TMEM248: variants seen among roughly 807,000 people sequenced by gnomAD.
TMEM248 encodes transmembrane protein 248.
Under a neutral mutation model 30.3 loss-of-function variants are expected in TMEM248, and 9 were observed. That is an observed-to-expected ratio of 0.30 (90% CI 0.18 to 0.52). The LOEUF (loss-of-function observed/expected upper bound fraction) is 0.52. Among genes scored for constraint, TMEM248 ranks in the 20% least tolerant of loss-of-function variants. The pLI, the probability that TMEM248 is intolerant of heterozygous loss-of-function variation, is 0.97. For synonymous variants in TMEM248, 184 were observed against 154.4 expected, an observed-to-expected ratio of 1.19 and a Z score of -1.42; for missense variants, 338 against 403.3, an observed-to-expected ratio of 0.84 and a Z score of 1.39.
At chr7:66,945,420 A>G (rs1332244818) in intron 3 of TMEM248, among the ~76,000 whole-genome samples, 159 bp downstream of exon 3, 2 of 152,190 alleles carry the variant, frequency 1.3e-5, no homozygotes, top group East Asian at 1.9e-4. Context: ...TTTCTGTTCC[A>G]TCGTTACATG....
rs1179024874 is a variant in TMEM248, at chr7:66,934,348, A to G, written c.-18-7500A>G. Among the ~76,000 whole-genome samples, 5 of 152,186 alleles carry G rather than the reference A, an allele frequency of 3.3e-5. No homozygotes were observed. In the East Asian group the frequency reaches 9.7e-4, roughly 29 times the overall value. ...CCTGAGTAGCTGGGATTACAGGCAC[A>G]CGCCGCCATGCCCAGCTAATTTTTG... On this transcript the variant is annotated intron_variant, in intron 1 of 6. Transcript: ENST00000341567.
chr7:66,939,685 A>T (rs1198037298), intron 1 of TMEM248, among the ~76,000 whole-genome samples: 1 of 152,230 alleles, frequency 6.6e-6, no homozygotes, highest in African/African-American at 2.4e-5. Flanking sequence ...TAAATGAGGG[A>T]TGACAGATAG....
intron 1 of TMEM248, among the ~76,000 whole-genome samples, chr7:66,941,337 C>T (rs1328961692): frequency 6.8e-6 from 1 of 146,242 alleles, no homozygotes; most frequent in African/African-American, 2.6e-5. Flanking sequence ...GCCAAGACTA[C>T]ACCATTGCTC....
chr7:66,950,988 C>T lies in TMEM248; in HGVS notation c.633C>T (p.Asn211=), dbSNP rs780742647. The T allele has an allele frequency of 2.7e-5, 44 of 1,608,304 alleles. No individual in the cohort carries two copies. The highest frequency in any genetic ancestry group is 3.3e-5 in the South Asian group (3 of 90,086). The change falls in exon 5 of 7, where the codon AAC becomes AAT. Residue 211 remains asparagine (N), a synonymous_variant. Transcript: ENST00000341567. ...PPHCVPDTYS[N]ATLWYKIFTT... ...ACTGTGTTCCTGACACGTACAGCAA[C>T]GCCACGCTCTGGTACAAGATCTTCA...
In TMEM248 at chr7:66,945,080, A is replaced by G. The variant is rs1016032765; in HGVS notation, c.264A>G (p.Thr88=). 3 of 1,614,224 alleles carry G rather than the reference A, an allele frequency of 1.9e-6. No homozygotes were observed. The highest frequency in any genetic ancestry group is 2.5e-6 in the Non-Finnish European group (3 of 1,180,038). The change falls in exon 3 of 7, where the codon ACA becomes ACG. Residue 88 remains threonine (T), a synonymous_variant. Transcript: ENST00000341567. ...LTNDTTTPES[T]MTSGQARAST... is the part of the protein sequence containing the mutation. The stretch of plus-strand genomic sequence containing the variant: ...ACGACACCACAACTCCGGAAAGTAC[A>G]ATGACCAGCGGGCAGGCCCGAGCTT...
At chr7:66,941,296 A>G (rs754942547) in intron 1 of TMEM248, among the ~76,000 whole-genome samples, 1 of 150,916 alleles carries the variant, frequency 6.6e-6, no homozygotes, top group Non-Finnish European at 1.5e-5. Context: ...TGGGAGAATC[A>G]CTTGAACCCA....
intron 4 of TMEM248, among the ~76,000 whole-genome samples, chr7:66,950,194 C>G (rs1792224297): frequency 6.9e-6 from 1 of 144,252 alleles, no homozygotes; most frequent in Non-Finnish European, 1.5e-5. Context: ...CCGGCCTGGG[C>G]AACAGAGCAA....
intron 1 of TMEM248, among the ~76,000 whole-genome samples, chr7:66,939,291 G>A (rs956158744): frequency 4.6e-5 from 7 of 152,280 alleles, no homozygotes; most frequent in African/African-American, 1.2e-4. Context: ...GTTGCAATGC[G>A]CTTGGTGGGT....
In TMEM248 at chr7:66,958,044, C is replaced by T. The variant is rs772232664; in HGVS notation, c.*2522C>T. On this transcript the variant is annotated 3_prime_UTR_variant, in exon 7 of 7. Coordinates refer to ENST00000341567, the MANE Select transcript of TMEM248 (RefSeq NM_017994.5). ...GGAAGCCCAGGGGACCTGTCACCATCTGGGCACTTCCCAGGCTCAATGCTC... is the reference window on the plus strand; with the variant it reads ...GGAAGCCCAGGGGACCTGTCACCATTTGGGCACTTCCCAGGCTCAATGCTC... 1 of 152,624 alleles carries T rather than the reference C, an allele frequency of 6.6e-6. No homozygotes were observed. The highest frequency in any genetic ancestry group is 1.5e-5 in the Non-Finnish European group (1 of 68,114). The allele number at this position is 152,624 out of a possible 1,614,324, so 9.5% of individuals were successfully genotyped here.
At chr7:66,925,737 A>G (rs12530806) in intron 1 of TMEM248, among the ~76,000 whole-genome samples, 39,036 of 145,990 alleles carry the variant, frequency 0.27, 5,644 homozygotes, top group East Asian at 0.43. Context: ...TGTTGCCTGG[A>G]TTCAAGCGAT....
At chr7:66,926,017 C>T (rs1221964556) in intron 1 of TMEM248, among the ~76,000 whole-genome samples, 2 of 152,106 alleles carry the variant, frequency 1.3e-5, no homozygotes, top group African/African-American at 4.8e-5. Flanking sequence ...CAGTGCATGA[C>T]GGCTCCCTTA....
intron 1 of TMEM248, among the ~76,000 whole-genome samples, chr7:66,938,766 A>C (rs1791869550): frequency 6.6e-6 from 1 of 152,202 alleles, no homozygotes; most frequent in Admixed American, 6.5e-5. Flanking sequence ...TTGGCATCCC[A>C]AAGTGCTGGG....
chr7:66,939,986 T>A (rs972444574), intron 1 of TMEM248, among the ~76,000 whole-genome samples: 6 of 152,218 alleles, frequency 3.9e-5, no homozygotes, highest in Admixed American at 3.9e-4. Context: ...GACAGTCTCA[T>A]TCTGTCCCTC....
At chr7:66,934,400 C>T (rs1791748170) in intron 1 of TMEM248, among the ~76,000 whole-genome samples, 1 of 152,136 alleles carries the variant, frequency 6.6e-6, no homozygotes, top group African/African-American at 2.4e-5. Flanking sequence ...GGGGTTTCAT[C>T]ATGTCAGTCA....
intron 4 of TMEM248, 76 bp downstream of exon 4, chr7:66,948,770 G>A (rs553080477): frequency 6.6e-5 from 100 of 1,509,732 alleles, no homozygotes; most frequent in Non-Finnish European, 8.9e-5. Flanking sequence ...TGCTTCAGCT[G>A]TAAATTCTCA....
chr7:66,950,105 A>C (rs934568495), intron 4 of TMEM248, among the ~76,000 whole-genome samples: 1 of 152,078 alleles, frequency 6.6e-6, no homozygotes, highest in Non-Finnish European at 1.5e-5. Context: ...TCACACCTGT[A>C]ATCCCAGCTA....
intron 2 of TMEM248, among the ~76,000 whole-genome samples, chr7:66,942,706 G>A (rs1411765956): frequency 6.6e-6 from 1 of 152,076 alleles, no homozygotes; most frequent in Non-Finnish European, 1.5e-5. Context: ...ACGTTGGCCA[G>A]GCTGGTCTCG....
chr7:66,953,029 G>A (rs985888297), intron 5 of TMEM248, among the ~76,000 whole-genome samples, 197 bp from the exon 6 acceptor site: 6 of 152,244 alleles, frequency 3.9e-5, no homozygotes, highest in Non-Finnish European at 8.8e-5. Flanking sequence ...ACAGAGGCTC[G>A]GGAGCACCAT....
intron 2 of TMEM248, among the ~76,000 whole-genome samples, chr7:66,943,647 T>A (rs779453638): frequency 6.7e-4 from 102 of 152,298 alleles, no homozygotes; most frequent in Admixed American, 2.2e-3. Flanking sequence ...TTTTCAACCC[T>A]AATGTACTAG....
Sources: allele counts gnomAD v4.1 joint callset (sites outside exome capture counted in the v4.1 genomes callset), GRCh38; gene constraint gnomAD v4.1.1; transcripts MANE v1.5; gene names NCBI Gene and HGNC (gene_info 2026-07-23, HGNC 2026-07-21).